SMAD9: variants seen among roughly 807,000 people sequenced by gnomAD.
SMAD9 encodes the protein SMAD family member 9.
In SMAD9, 36 loss-of-function variants were observed where a neutral mutation model predicts 46.1. The ratio of observed to expected loss-of-function variants is 0.78; its 90% confidence interval spans 0.60 to 1.03. The LOEUF (loss-of-function observed/expected upper bound fraction) is 1.03, where lower values mean the gene tolerates loss of function less well. Among genes scored for constraint, SMAD9 ranks in the 50% least tolerant of loss-of-function variants. SMAD9 has a pLI of 0.00. For missense variants in SMAD9, 572 were observed against 599.8 expected (o/e 0.95, Z 0.48); for synonymous variants, 245 against 237.1 (o/e 1.03, Z -0.31).
chr13:36,849,426 A>AGAT, intron 6 of SMAD9: 1 of 152,524 alleles, frequency 6.6e-6, no homozygotes, highest in East Asian at 1.9e-4. Flanking sequence ...AAGGGAGATC[A>AGAT]CAGCCAAGTA....
chr13:36,890,440 G>C (rs1010971457), intron 1 of SMAD9, among the ~76,000 whole-genome samples: 1 of 152,026 alleles, frequency 6.6e-6, no homozygotes, highest in Non-Finnish European at 1.5e-5. Context: ...CCAGCTTTTT[G>C]GTAAACAATG....
chr13:36,880,003 A>C (rs1312003688), intron 1 of SMAD9, 128 bp from the exon 2 acceptor site: 1 of 399,260 alleles, frequency 2.5e-6, no homozygotes, highest in African/African-American at 2.0e-5. Flanking sequence ...GCTCGAGCCC[A>C]GGAGGTCAAG....
intron 5 of SMAD9, among the ~76,000 whole-genome samples, chr13:36,863,098 C>G (rs1304526778): frequency 6.6e-6 from 1 of 152,104 alleles, no homozygotes; most frequent in Non-Finnish European, 1.5e-5. Context: ...ATTTGCTAGC[C>G]GAGGAATGCA....
chr13:36,916,663 T>A (rs190923116), intron 1 of SMAD9, among the ~76,000 whole-genome samples: 1 of 152,222 alleles, frequency 6.6e-6, no homozygotes, highest in Non-Finnish European at 1.5e-5. Flanking sequence ...CCTTCCTTCC[T>A]GGATCTTGTA....
chr13:36,902,167 G>C (rs899782535), intron 1 of SMAD9, among the ~76,000 whole-genome samples: 8 of 152,006 alleles, frequency 5.3e-5, no homozygotes, highest in African/African-American at 1.9e-4. Flanking sequence ...TCTAGTGTGA[G>C]GTAGGGATCT....
intron 1 of SMAD9, among the ~76,000 whole-genome samples, chr13:36,899,923 T>C (rs1288516046): frequency 6.6e-6 from 1 of 152,160 alleles, no homozygotes; most frequent in Non-Finnish European, 1.5e-5. Context: ...TCACAATCTT[T>C]CCCTGCTCCA....
intron 1 of SMAD9, among the ~76,000 whole-genome samples, chr13:36,884,398 A>C (rs983117323): frequency 6.6e-6 from 1 of 152,076 alleles, no homozygotes; most frequent in Non-Finnish European, 1.5e-5. Flanking sequence ...AAACACCATG[A>C]CTGTCCTTTC....
chr13:36,865,511 TA>T, intron 5 of SMAD9, 25 bp downstream of exon 5: 2 of 1,584,910 alleles, frequency 1.3e-6, no homozygotes, highest in Non-Finnish European at 1.7e-6. Context: ...GCTAGATGAC[TA>T]AAGGAATAAC....
chr13:36,918,982 T>C (rs2058719570), intron 1 of SMAD9, among the ~76,000 whole-genome samples: 1 of 152,172 alleles, frequency 6.6e-6, no homozygotes, highest in Admixed American at 6.5e-5. Flanking sequence ...CCGAGAAATC[T>C]GGCAAGCCAC....
At chr13:36,873,038 C>T in intron 2 of SMAD9, 123 bp from the exon 3 acceptor site, 1 of 1,067,024 alleles carries the variant, frequency 9.4e-7, no homozygotes, top group Non-Finnish European at 1.4e-6. Flanking sequence ...CCCTTGGGAA[C>T]TACTCCCATT....
chr13:36,881,847 G>A (rs1042484540), intron 1 of SMAD9, among the ~76,000 whole-genome samples: 2 of 152,174 alleles, frequency 1.3e-5, no homozygotes, highest in Non-Finnish European at 2.9e-5. Context: ...TCTCATGATA[G>A]AATAACCTGA....
chr13:36,894,267 A>G (rs1035812959), intron 1 of SMAD9, among the ~76,000 whole-genome samples: 4 of 152,068 alleles, frequency 2.6e-5, no homozygotes, highest in Admixed American at 6.5e-5. Context: ...TCATGAGGGC[A>G]GTTTCCCCCA....
intron 1 of SMAD9, among the ~76,000 whole-genome samples, chr13:36,890,119 G>A (rs1335973569): frequency 2.6e-5 from 4 of 151,958 alleles, no homozygotes; most frequent in African/African-American, 7.3e-5. Context: ...ATTTTACTTC[G>A]AAAGGCATAT....
intron 1 of SMAD9, among the ~76,000 whole-genome samples, chr13:36,901,309 C>T (rs1397501053): frequency 6.6e-6 from 1 of 152,108 alleles, no homozygotes; most frequent in Non-Finnish European, 1.5e-5. Flanking sequence ...ATGAAAATTC[C>T]AATTTCTCTA....
intron 2 of SMAD9, among the ~76,000 whole-genome samples, chr13:36,877,812 G>A (rs894414653): frequency 7.9e-5 from 12 of 152,114 alleles, no homozygotes; most frequent in Admixed American, 7.9e-4. Context: ...GTTAAGTTCT[G>A]GGAGCTTGAA....
intron 4 of SMAD9, among the ~76,000 whole-genome samples, chr13:36,866,775 C>G (rs2058238914): frequency 6.6e-6 from 1 of 152,086 alleles, no homozygotes; most frequent in Non-Finnish European, 1.5e-5. Flanking sequence ...ACCGTAAGAT[C>G]TACAGAATAA....
intron 6 of SMAD9, chr13:36,851,739 G>T: frequency 1.0e-6 from 1 of 968,440 alleles, no homozygotes; most frequent in Non-Finnish European, 1.2e-6. Context: ...AAAAAAAAAT[G>T]ATCTATAGTT....
At position 36,874,692 on chromosome 13, in the gene SMAD9, C is replaced by T. The variant is rs577654845; in HGVS notation, c.413-1777G>A. On this transcript the variant is annotated intron_variant, in intron 2 of 6. Transcript: ENST00000379826. ...CTAACACAGTGAAACCCCGTCTCTA[C>T]TAAAAATACAAAAAATTAGCCGGGC... Among the ~76,000 whole-genome samples the T allele has an allele frequency of 4.0e-5, 6 of 151,724 alleles. 1 individual carries two copies. In the South Asian group the frequency reaches 1.3e-3, roughly 32 times the overall value.
In SMAD9 at chr13:36,879,524, C is replaced by G. The variant is rs1358275854; in HGVS notation, c.166G>C (p.Glu56Gln). 1 of 1,614,172 alleles carries G rather than the reference C, an allele frequency of 6.2e-7. No homozygotes were observed. Among genetic ancestry groups the G allele is most frequent in the South Asian group, 1.1e-5 (1 of 91,090 alleles). Residue 56 changes from glutamate (E) to glutamine (Q), a missense_variant, in exon 2 of 7, where the codon GAG becomes CAG. Transcript: ENST00000379826. Reference protein sequence around the residue: ...KKKKGAMDELERALSCPGQPS... With the variant: ...KKKKGAMDELQRALSCPGQPS... The stretch of plus-strand genomic sequence containing the variant: ...TGCCCCGGGCAGCTGAGAGCCCTCT[C>G]CAGCTCGTCCATGGCTCCCTTCTTC...
Sources: gnomAD v4.1 joint callset for allele counts (sites outside exome capture counted in the v4.1 genomes callset) on GRCh38, gnomAD v4.1.1 for gene constraint, MANE v1.5 for transcripts, NCBI Gene and HGNC (gene_info 2026-07-23, HGNC 2026-07-21) for gene names.